METTL9: variants seen among roughly 807,000 people sequenced by gnomAD.
METTL9 encodes methyltransferase 9, His-X-His N1(pi)-histidine.
METTL9 carries 10 observed loss-of-function variants against 36.0 expected under a neutral mutation model. The ratio of observed to expected loss-of-function variants is 0.28; its 90% CI spans 0.17 to 0.47. The LOEUF (loss-of-function observed/expected upper bound fraction) is 0.47, where lower values mean the gene tolerates loss of function less well. Among genes scored for constraint, METTL9 ranks in the 20% least tolerant of loss-of-function variants. METTL9 has a pLI of 0.99. For missense variants in METTL9, 246 were observed against 383.5 expected (o/e 0.64, Z 3.00); for synonymous variants, 175 against 149.7 (o/e 1.17, Z -1.23).
intron 1 of METTL9, among the ~76,000 whole-genome samples, chr16:21,603,245 T>G (rs1482973400): frequency 6.6e-6 from 1 of 151,676 alleles, no homozygotes; most frequent in East Asian, 1.9e-4. Context: ...GTTCAAGCGG[T>G]TCTCATGCCT....
At chr16:21,652,428 T>A (rs1001735121) in intron 4 of METTL9, 1 of 849,006 alleles carries the variant, frequency 1.2e-6, no homozygotes, top group African/African-American at 1.7e-5. Flanking sequence ...CATAATGTTA[T>A]ACATTTAAAA....
rs374459160 is a variant in METTL9 at position 21,629,091 on chromosome 16, G to A, written c.751+3976G>A. On this transcript the variant is annotated intron_variant, in intron 4 of 4. Transcript: ENST00000358154. ...GTATTTTTAGTAGAGACAGGGTTTC[G>A]CTATGTTGGCCAGGCTGATCTTGAA... Among the ~76,000 whole-genome samples, 14 of 151,920 alleles carry A rather than the reference G, an allele frequency of 9.2e-5. No individual in the cohort carries two copies. The South Asian group carries it at 1.7e-3, about 18-fold the overall frequency.
At chr16:21,602,216 G>A (rs1965152553) in intron 1 of METTL9, among the ~76,000 whole-genome samples, 1 of 152,166 alleles carries the variant, frequency 6.6e-6, no homozygotes, top group African/African-American at 2.4e-5. Context: ...TTGTGGATTT[G>A]ATTGAACCAT....
At chr16:21,625,654 C>T (rs908069558) in intron 4 of METTL9, among the ~76,000 whole-genome samples, 14 of 152,058 alleles carry the variant, frequency 9.2e-5, no homozygotes, top group African/African-American at 2.9e-4. Flanking sequence ...TGCTCTTCAG[C>T]AATATTGAAT....
In METTL9 at chr16:21,599,737, A is replaced by G; in HGVS notation, c.4A>G (p.Arg2Gly). The G allele has an allele frequency of 6.6e-7, 1 of 1,515,166 alleles. No individual in the cohort carries two copies. The highest frequency in any genetic ancestry group is 8.8e-7 in the Non-Finnish European group (1 of 1,140,018). 93.9% of individuals were successfully genotyped at this position (1,515,166 alleles called of 1,614,324 possible). Residue 2 changes from arginine (R) to glycine (G), a missense_variant, in exon 1 of 5, where the codon AGA (arginine) becomes GGA (glycine). Arg to Gly is a moderately radical substitution (Grantham distance 125). This residue lies in a region of METTL9 where 100 missense variants were observed against 81.4 expected (regional missense o/e 1.23). Transcript: ENST00000358154. The surrounding 1 kb of genome is among the most constrained non-coding windows in gnomAD (Gnocchi z 4.4). The stretch of plus-strand genomic sequence containing the variant: ...GAGCGAGCGGCCGCGGCCCCCGATG[A>G]GACTGCTGGCGGGCTGGCTGTGCCT... MRLLAGWLCLSL... is the reference protein window; with the variant it reads MGLLAGWLCLSL...
chr16:21,637,102 A>G (rs1966118580), intron 4 of METTL9, among the ~76,000 whole-genome samples: 1 of 152,032 alleles, frequency 6.6e-6, no homozygotes, highest in African/African-American at 2.4e-5. Flanking sequence ...CAAAGCTTCC[A>G]CAGTATGGAA....
chr16:21,627,414 C>A, intron 4 of METTL9: 5 of 980,236 alleles, frequency 5.1e-6, no homozygotes, highest in Non-Finnish European at 4.8e-6. Flanking sequence ...GAAAAAAATA[C>A]CATTCTAATT....
chr16:21,637,242 TC>T (rs1966123002), intron 4 of METTL9, among the ~76,000 whole-genome samples: 1 of 152,190 alleles, frequency 6.6e-6, no homozygotes, highest in South Asian at 2.1e-4. Context: ...GAGCACTGAT[TC>T]GTCCGTTTTG....
At chr16:21,609,190 A>T (rs1326691343) in intron 1 of METTL9, among the ~76,000 whole-genome samples, 1 of 152,038 alleles carries the variant, frequency 6.6e-6, no homozygotes. Flanking sequence ...AAGGCCTTGC[A>T]GAGTTTGAGA....
chr16:21,642,785 A>G (rs1450950239), intron 4 of METTL9, among the ~76,000 whole-genome samples: 5 of 152,312 alleles, frequency 3.3e-5, no homozygotes, highest in Middle Eastern at 3.4e-3. Context: ...CTTTTAATCT[A>G]TCCTTTTAAA....
In METTL9 at chr16:21,625,032, A is replaced by G. The variant is rs959512072; in HGVS notation, c.668A>G (p.Lys223Arg). The G allele has an allele frequency of 3.1e-6, 5 of 1,614,074 alleles. No homozygotes were observed. The African/African-American group carries it at 6.7e-5, about 22-fold the overall frequency. ...DRCDQPLTLL[K>R]DIRSVLEPTR... ...TGTGATCAGCCCCTGACTTTGTTAA[A>G]AGATATCAGAAGTGTCTTGGAGCCA... Residue 223 changes from lysine (K) to arginine (R), a missense_variant, in exon 4 of 5, where the codon AAA becomes AGA. This residue lies in a region of METTL9 where 146 missense variants were observed against 302.1 expected (regional missense o/e 0.48). Coordinates refer to ENST00000358154, the MANE Select transcript of METTL9 (RefSeq NM_016025.5).
intron 4 of METTL9, 194 bp from the exon 5 acceptor site, chr16:21,655,033 C>G: frequency 1.7e-6 from 1 of 600,156 alleles, no homozygotes; most frequent in South Asian, 2.1e-5. Context: ...TGGGCAAGTT[C>G]TTCACCCCTT....
In METTL9 at chr16:21,634,311, A is replaced by G. The variant is rs573897156; in HGVS notation, c.751+9196A>G. 1.4e-4 allele frequency among the ~76,000 whole-genome samples: 21 copies of G among 152,236 alleles called. 1 individual carries two copies. The highest frequency in any genetic ancestry group is 4.8e-4 in the African/African-American group (20 of 41,562). On this transcript the variant is annotated intron_variant, in intron 4 of 4. Transcript: ENST00000358154. ...CTGGCGCTTGCCCCGGGCACCCTCA[A>G]TCCTGTTGTTGGATCATCCGGTTGG...
chr16:21,597,301 G>A (rs913232495), upstream of METTL9: 1 of 1,288,756 alleles, frequency 7.8e-7, no homozygotes, highest in Non-Finnish European at 1.0e-6. Context: ...CTATGAAAAG[G>A]TCAGCTATTG....
intron 4 of METTL9, among the ~76,000 whole-genome samples, chr16:21,629,521 T>C (rs1241915229): frequency 3.3e-5 from 5 of 152,294 alleles, no homozygotes; most frequent in Middle Eastern, 3.4e-3. Context: ...TACAAACCTT[T>C]GCGGTGAGTG....
intron 1 of METTL9, among the ~76,000 whole-genome samples, chr16:21,607,299 T>C (rs1304260042): frequency 6.6e-6 from 1 of 152,226 alleles, no homozygotes; most frequent in East Asian, 1.9e-4. Flanking sequence ...GGTCTTGAAC[T>C]CTTGACTTCA....
intron 4 of METTL9, chr16:21,646,718 G>A (rs561481824): frequency 6.9e-6 from 2 of 287,996 alleles, no homozygotes; most frequent in South Asian, 3.3e-5. Flanking sequence ...GCAGTAGTGC[G>A]ATCTCGGTTC....
chr16:21,626,850 C>A, intron 4 of METTL9: 2 of 727,010 alleles, frequency 2.8e-6, no homozygotes, highest in Non-Finnish European at 3.4e-6. Flanking sequence ...TTTAATGCTA[C>A]TTCCTGGCAT....
At chr16:21,614,445 TCA>T (rs1052168491) in intron 2 of METTL9, among the ~76,000 whole-genome samples, 3 of 152,188 alleles carry the variant, frequency 2.0e-5, no homozygotes, top group African/African-American at 7.2e-5. Flanking sequence ...CTCTAGAATT[TCA>T]CAGTTTGATC....
Sources: gnomAD v4.1 joint callset for allele counts (sites outside exome capture counted in the v4.1 genomes callset) on GRCh38, gnomAD v4.1.1 for gene constraint, gnomAD v4.1.1 regional missense constraint, Gnocchi (gnomAD v3.1) non-coding constraint, MANE v1.5 for transcripts, NCBI Gene and HGNC (gene_info 2026-07-23, HGNC 2026-07-21) for gene names.